Variants in SPATA18 observed in about 807,000 individuals in gnomAD.
SPATA18 encodes the protein spermatogenesis associated 18.
In SPATA18, 54 loss-of-function variants were observed where a neutral mutation model predicts 68.1. The ratio of observed to expected loss-of-function variants is 0.79; its 90% CI spans 0.64 to 0.99. The LOEUF (loss-of-function observed/expected upper bound fraction) is 0.99. SPATA18 is among the 50% of genes least tolerant of loss of function. The pLI is 0.00. For synonymous variants in SPATA18, 242 were observed against 244.8 expected, an observed-to-expected ratio of 0.99 and a Z score of 0.11; for missense variants, 724 against 681.1, an observed-to-expected ratio of 1.06 and a Z score of -0.70.
intron 11 of SPATA18, among the ~76,000 whole-genome samples, chr4:52,092,366 C>T (rs1206829367): frequency 6.6e-6 from 1 of 152,198 alleles, no homozygotes; most frequent in Non-Finnish European, 1.5e-5. Context: ...GAGGGAATCT[C>T]CTGGTTTGCA....
intron 11 of SPATA18, among the ~76,000 whole-genome samples, chr4:52,090,333 C>G (rs1741826079): frequency 6.6e-6 from 1 of 152,140 alleles, no homozygotes; most frequent in African/African-American, 2.4e-5. Flanking sequence ...ATGATGCTAG[C>G]TGATTGTTTT....
chr4:52,084,946 C>T lies in SPATA18; in HGVS notation c.1510C>T (p.Arg504Ter), dbSNP rs778062082. The change falls in exon 11 of 13, where the codon CGA (arginine) becomes TGA (stop). Residue 504 changes from arginine to a stop codon, truncating the protein, a stop_gained. Coordinates refer to ENST00000295213, the MANE Select transcript of SPATA18 (RefSeq NM_145263.4). LOFTEE classifies it high-confidence loss of function. ...TTCGGTGCGATCTGTAAGTCGTTGT[C>T]GAAGCAGGAGTTTAAGTCCCATTTG... ...WNSVRSVSRC[R>*]SRSLSPICPR... 1.3e-5 allele frequency: 21 copies of T among 1,613,684 alleles called. No individual in the cohort carries two copies. The highest frequency in any genetic ancestry group is 4.5e-5 in the East Asian group (2 of 44,878).
At chr4:52,066,915 T>A (rs1739366334) in intron 4 of SPATA18, among the ~76,000 whole-genome samples, 1 of 152,242 alleles carries the variant, frequency 6.6e-6, no homozygotes, top group Non-Finnish European at 1.5e-5. Flanking sequence ...GATGGGCATT[T>A]GGGCTGATTC....
chr4:52,086,060 C>T (rs1184013515), intron 11 of SPATA18, among the ~76,000 whole-genome samples: 1 of 152,170 alleles, frequency 6.6e-6, no homozygotes, highest in Admixed American at 6.5e-5. Flanking sequence ...TGTGCTGTTC[C>T]TCCAAATAAT....
At chr4:52,060,147 C>G (rs568270457) in intron 1 of SPATA18, among the ~76,000 whole-genome samples, 1 of 152,206 alleles carries the variant, frequency 6.6e-6, no homozygotes, top group South Asian at 2.1e-4. Context: ...AAGAGGTTCT[C>G]TTCTGGGCCA....
intron 9 of SPATA18, 48 bp downstream of exon 9, chr4:52,079,967 G>A: frequency 1.9e-6 from 3 of 1,558,622 alleles, no homozygotes; most frequent in Admixed American, 1.9e-5. Context: ...TGAATACATT[G>A]TCTTGTCTGT....
intron 10 of SPATA18, among the ~76,000 whole-genome samples, chr4:52,084,593 T>C (rs1221515927): frequency 6.6e-6 from 1 of 152,242 alleles, no homozygotes; most frequent in Non-Finnish European, 1.5e-5. Flanking sequence ...TCTACCCACA[T>C]GGAGCTTACA....
chr4:52,072,227 A>G, intron 6 of SPATA18, 71 bp downstream of exon 6: 2 of 1,560,300 alleles, frequency 1.3e-6, no homozygotes, highest in South Asian at 2.5e-5. Flanking sequence ...GGAGGAGGAA[A>G]TAAGTAAAAT....
intron 9 of SPATA18, 48 bp downstream of exon 9, chr4:52,079,967 G>C: frequency 6.4e-7 from 1 of 1,558,624 alleles, no homozygotes; most frequent in Non-Finnish European, 8.7e-7. Flanking sequence ...TGAATACATT[G>C]TCTTGTCTGT....
At chr4:52,066,956 G>T (rs1028068952) in intron 4 of SPATA18, among the ~76,000 whole-genome samples, 1 of 152,080 alleles carries the variant, frequency 6.6e-6, no homozygotes, top group Non-Finnish European at 1.5e-5. Flanking sequence ...TAGTGCTACA[G>T]TAAACATACA....
chr4:52,078,821 T>A lies in SPATA18; in HGVS notation c.1107T>A (p.Asn369Lys). The change falls in exon 8 of 13, where the codon AAT becomes AAA. Residue 369 changes from asparagine to lysine, a missense_variant. By Grantham distance (94) the Asn-to-Lys change is moderately conservative. Coordinates refer to ENST00000295213, the MANE Select transcript of SPATA18 (RefSeq NM_145263.4). ...TGACACCATCTTATGTGGGGTCGAA[T>A]GACTTTGAGAATGCTGTCTTGGATT... ...KSLTPSYVGSNDFENAVLDYV... is the reference protein window; with the variant it reads ...KSLTPSYVGSKDFENAVLDYV... The A allele has an allele frequency of 6.2e-7, 1 of 1,610,138 alleles. No homozygotes were observed.
intron 6 of SPATA18, among the ~76,000 whole-genome samples, chr4:52,075,920 A>G (rs751722943): frequency 2.6e-5 from 4 of 152,214 alleles, no homozygotes; most frequent in Non-Finnish European, 5.9e-5. Context: ...GCTAGATTCA[A>G]TCAAAGGCAA....
intron 2 of SPATA18, 109 bp downstream of exon 2, chr4:52,060,633 C>A: frequency 8.7e-7 from 1 of 1,155,096 alleles, no homozygotes; most frequent in Non-Finnish European, 1.3e-6. Context: ...TCTCACTGAC[C>A]TGATGACCTG....
In SPATA18 at chr4:52,071,966, C is replaced by A; in HGVS notation, c.568C>A (p.Gln190Lys). ...GGATGCCCGCCACAGAAACACAGATCAGAGGAGCTCAGAGAATAGGCGGTC... is the reference window on the plus strand; with the variant it reads ...GGATGCCCGCCACAGAAACACAGATAAGAGGAGCTCAGAGAATAGGCGGTC... ...QEDARHRNTD[Q>K]RSSENRRSEP... The change falls in exon 6 of 13, where the codon CAG (glutamine) becomes AAG (lysine). Residue 190 changes from glutamine (Q) to lysine (K), a missense_variant. Coordinates refer to ENST00000295213, the MANE Select transcript of SPATA18 (RefSeq NM_145263.4). 1 of 1,613,868 alleles carries A rather than the reference C, an allele frequency of 6.2e-7. No individual in the cohort carries two copies. Among genetic ancestry groups the A allele is most frequent in the Non-Finnish European group, 8.5e-7 (1 of 1,179,958 alleles).
Position 52,091,772 on chromosome 4 carries a change from A to G in SPATA18, c.1564-2755A>G, listed in dbSNP as rs182835499. 3.8e-3 allele frequency among the ~76,000 whole-genome samples: 583 copies of G among 152,336 alleles called. 1 individual carries two copies. Among genetic ancestry groups the G allele is most frequent in the African/African-American group, 0.013 (541 of 41,590 alleles). ...GAGTCAGGGATCCACTTGAGAAGGTAGACTGACCCTTAGCAGAGCTCGAAT... is the reference window on the plus strand; with the variant it reads ...GAGTCAGGGATCCACTTGAGAAGGTGGACTGACCCTTAGCAGAGCTCGAAT... On this transcript the variant is annotated intron_variant, in intron 11 of 12. Coordinates refer to ENST00000295213, the MANE Select transcript of SPATA18 (RefSeq NM_145263.4).
At chr4:52,070,897 TACAC>T (rs775702782) in intron 5 of SPATA18, among the ~76,000 whole-genome samples, 1 of 150,960 alleles carries the variant, frequency 6.6e-6, no homozygotes. Flanking sequence ...GGGGGTGTTT[TACAC>T]ACACACACAC....
intron 6 of SPATA18, among the ~76,000 whole-genome samples, chr4:52,073,254 C>T (rs757438372): frequency 1.1e-4 from 17 of 152,194 alleles, no homozygotes; most frequent in African/African-American, 3.6e-4. Flanking sequence ...CCTTACCCAA[C>T]CCAACCTCCC....
chr4:52,057,701 G>A (rs1738471858), intron 1 of SPATA18, among the ~76,000 whole-genome samples: 1 of 152,196 alleles, frequency 6.6e-6, no homozygotes, highest in Admixed American at 6.5e-5. Flanking sequence ...AGGGAATGCA[G>A]CTGATAAGTT....
intron 1 of SPATA18, among the ~76,000 whole-genome samples, chr4:52,055,497 C>T (rs920472895): frequency 6.6e-6 from 1 of 152,202 alleles, no homozygotes; most frequent in Non-Finnish European, 1.5e-5. Flanking sequence ...AACCCTTATA[C>T]TTAAAAACTC....
Sources: allele counts gnomAD v4.1 joint callset (sites outside exome capture counted in the v4.1 genomes callset), GRCh38; gene constraint gnomAD v4.1.1; transcripts MANE v1.5; gene names NCBI Gene and HGNC (gene_info 2026-07-23, HGNC 2026-07-21).